The following ZNF277 variants were observed in gnomAD, a reference collection of about 807,000 sequenced individuals.
ZNF277 encodes zinc finger protein 277.
ZNF277 carries 55 observed loss-of-function variants against 60.7 expected under a neutral mutation model. The observed-to-expected ratio is 0.91, with a 90% confidence interval of 0.73 to 1.13. ZNF277 has a LOEUF of 1.13. Ranked by LOEUF, ZNF277 falls within the 50% of genes most tolerant of loss-of-function variation. The pLI, the probability that ZNF277 is intolerant of heterozygous loss-of-function variation, is 0.00. For synonymous variants in ZNF277, 178 were observed against 179.3 expected, an observed-to-expected ratio of 0.99 and a Z score of 0.06; for missense variants, 510 against 523.0, an observed-to-expected ratio of 0.98 and a Z score of 0.24.
At chr7:112,312,066 C>T (rs895773701) in intron 4 of ZNF277, among the ~76,000 whole-genome samples, 4 of 151,992 alleles carry the variant, frequency 2.6e-5, no homozygotes, top group Non-Finnish European at 4.4e-5. Flanking sequence ...CTATAATGCC[C>T]AGGGGAGATT....
At chr7:112,251,354 G>T (rs368574368) in intron 1 of ZNF277, among the ~76,000 whole-genome samples, 1 of 152,164 alleles carries the variant, frequency 6.6e-6, no homozygotes, top group Admixed American at 6.5e-5. Context: ...GTTTCTGCTC[G>T]TACAGATTTT....
chr7:112,279,716 C>T (rs545161327), intron 1 of ZNF277, among the ~76,000 whole-genome samples: 15 of 152,040 alleles, frequency 9.9e-5, no homozygotes, highest in African/African-American at 1.9e-4. Flanking sequence ...TCAATTCACA[C>T]GTATTTTGTA....
At chr7:112,215,975 A>G (rs1821868985) in intron 1 of ZNF277, among the ~76,000 whole-genome samples, 1 of 152,246 alleles carries the variant, frequency 6.6e-6, no homozygotes, top group African/African-American at 2.4e-5. Flanking sequence ...TAAAGCAATT[A>G]ATAGCAGAAA....
At chr7:112,325,626 C>G (rs1793076293) in intron 5 of ZNF277, among the ~76,000 whole-genome samples, 1 of 152,180 alleles carries the variant, frequency 6.6e-6, no homozygotes, top group East Asian at 1.9e-4. Flanking sequence ...AGCCTAGGCT[C>G]ACACATGGGC....
Position 112,336,150 on chromosome 7 carries a change from A to G in ZNF277, c.848A>G (p.Glu283Gly). 6.8e-6 allele frequency: 11 copies of G among 1,611,326 alleles called. No individual in the cohort carries two copies. The highest frequency in any genetic ancestry group is 8.5e-6 in the Non-Finnish European group (10 of 1,178,446). The change falls in exon 8 of 12, where the codon GAG (glutamate) becomes GGG (glycine). Residue 283 changes from glutamate to glycine, a missense_variant. Physicochemically the swap from Glu to Gly is moderately conservative, Grantham distance 98. Transcript: ENST00000361822. ...WEEVQLEDDR[E>G]LLDHQEDDWS... ...GAAGTTCAGTTGGAAGATGATCGGG[A>G]GTTGCTGGACCATCAGGAAGAGTAA...
chr7:112,277,040 T>G (rs1791813729), intron 1 of ZNF277, among the ~76,000 whole-genome samples: 1 of 151,924 alleles, frequency 6.6e-6, no homozygotes, highest in Non-Finnish European at 1.5e-5. Context: ...ATTTTTAAAT[T>G]TTTATGGGTC....
At chr7:112,238,948 A>G (rs1790873887) in intron 1 of ZNF277, among the ~76,000 whole-genome samples, 1 of 152,102 alleles carries the variant, frequency 6.6e-6, no homozygotes, top group African/African-American at 2.4e-5. Context: ...ATCCTGGACC[A>G]GAAGGGTACC....
In ZNF277 at chr7:112,248,346, AT is replaced by A. The variant is rs897252402; in HGVS notation, c.92-38515del. Among the ~76,000 whole-genome samples, 134 of 143,910 alleles carry A rather than the reference AT, an allele frequency of 9.3e-4. 1 individual carries two copies. The highest frequency in any genetic ancestry group is 7.2e-3 in the Middle Eastern group (2 of 278). The allele number at this position is 143,910 out of a possible 152,430, so 94.4% of individuals were successfully genotyped here. A position where few individuals can be genotyped will look rare whatever the true frequency, so the allele number is the denominator to read the frequency against. Reference sequence around the variant, plus strand: ...GCAGTTCTTATATTTGGTTGGTTTTATTTTTTTTTTTTCATAAAGAGAACAG... The same window carrying A: ...GCAGTTCTTATATTTGGTTGGTTTTATTTTTTTTTTTCATAAAGAGAACAG... On this transcript the variant is annotated intron_variant, in intron 1 of 11. Coordinates refer to ENST00000361822, the MANE Select transcript of ZNF277 (RefSeq NM_021994.3).
intron 1 of ZNF277, among the ~76,000 whole-genome samples, chr7:112,259,662 G>T (rs1791399237): frequency 6.6e-6 from 1 of 151,912 alleles, no homozygotes; most frequent in Non-Finnish European, 1.5e-5. Context: ...AAAGAAAAAG[G>T]CAGCTTTAGG....
chr7:112,279,912 G>T (rs1408927735), intron 1 of ZNF277, among the ~76,000 whole-genome samples: 1 of 152,120 alleles, frequency 6.6e-6, no homozygotes, highest in Non-Finnish European at 1.5e-5. Flanking sequence ...GCTGTTTCAG[G>T]TGTGGCTGAG....
intron 1 of ZNF277, among the ~76,000 whole-genome samples, chr7:112,255,583 A>G (rs1791291232): frequency 6.6e-6 from 1 of 152,210 alleles, no homozygotes; most frequent in Admixed American, 6.5e-5. Context: ...GAATCCTTTG[A>G]TCAGGAATCC....
intron 1 of ZNF277, among the ~76,000 whole-genome samples, chr7:112,259,278 T>C (rs946096595): frequency 5.3e-5 from 8 of 152,180 alleles, no homozygotes; most frequent in Non-Finnish European, 1.0e-4. Context: ...TACTCTGTTG[T>C]ATATTGTAAA....
chr7:112,228,655 A>AT (rs1268683235), intron 1 of ZNF277, among the ~76,000 whole-genome samples: 1 of 151,568 alleles, frequency 6.6e-6, no homozygotes, highest in Non-Finnish European at 1.5e-5. Flanking sequence ...CAACACTCTT[A>AT]TTTTTTTACT....
intron 4 of ZNF277, among the ~76,000 whole-genome samples, chr7:112,308,889 T>A (rs538093424): frequency 6.6e-6 from 1 of 152,100 alleles, no homozygotes; most frequent in Non-Finnish European, 1.5e-5. Context: ...CTAAATTTGA[T>A]GAAGAAATGG....
At chr7:112,328,730 C>A (rs1793158379) in intron 6 of ZNF277, among the ~76,000 whole-genome samples, 1 of 151,984 alleles carries the variant, frequency 6.6e-6, no homozygotes, top group Admixed American at 6.6e-5. Context: ...ATTAGCCGGG[C>A]ATGGTGGTGC....
intron 1 of ZNF277, among the ~76,000 whole-genome samples, chr7:112,207,353 C>T (rs1821551682): frequency 1.3e-5 from 2 of 152,286 alleles, no homozygotes; most frequent in South Asian, 4.1e-4. Flanking sequence ...GTGTGTATCT[C>T]ACAACCTCCC....
chr7:112,279,246 A>G (rs1290537722), intron 1 of ZNF277, among the ~76,000 whole-genome samples: 1 of 152,118 alleles, frequency 6.6e-6, no homozygotes, highest in Non-Finnish European at 1.5e-5. Context: ...TGATAGTTCT[A>G]TTTTTAATTT....
At chr7:112,327,480 G>A (rs1305345665) in intron 5 of ZNF277, among the ~76,000 whole-genome samples, 1 of 152,180 alleles carries the variant, frequency 6.6e-6, no homozygotes, top group East Asian at 1.9e-4. Context: ...TTCTTCTATA[G>A]AGTGTAGCCA....
At chr7:112,307,760 C>T (rs1322703641) in intron 4 of ZNF277, among the ~76,000 whole-genome samples, 1 of 151,876 alleles carries the variant, frequency 6.6e-6, no homozygotes, top group Non-Finnish European at 1.5e-5. Context: ...TGAACTCCTC[C>T]TCCCCCTGCT....
Sources: gnomAD v4.1 joint callset for allele counts (sites outside exome capture counted in the v4.1 genomes callset) on GRCh38, gnomAD v4.1.1 for gene constraint, MANE v1.5 for transcripts, NCBI Gene and HGNC (gene_info 2026-07-23, HGNC 2026-07-21) for gene names.